The following ZNF329 variants were observed in gnomAD, a reference collection of about 807,000 sequenced individuals.
The protein encoded by ZNF329 is zinc finger protein 329.
Under a neutral mutation model 26.6 loss-of-function variants are expected in ZNF329, and 15 were observed. That is an observed-to-expected ratio of 0.56 (90% CI 0.38 to 0.87). ZNF329 has a LOEUF of 0.87. ZNF329 is among the 40% of genes least tolerant of loss of function. The probability of loss-of-function intolerance (pLI) is 0.00; values close to 1 mark genes in which losing one functional copy is unlikely to be tolerated. For synonymous variants in ZNF329, 239 were observed against 233.5 expected (o/e 1.02, Z -0.21); for missense variants, 651 against 651.9 (o/e 1.00, Z 0.02).
At chr19:58,136,566 T>C (rs911267438) in intron 3 of ZNF329, 1 of 150,416 alleles carries the variant, frequency 6.6e-6, no homozygotes, top group Non-Finnish European at 1.5e-5. Context: ...TAGTCCCAGG[T>C]AGTTGGGAAG....
chr19:58,140,024 T>C (rs1184551315), intron 3 of ZNF329, among the ~76,000 whole-genome samples: 3 of 152,234 alleles, frequency 2.0e-5, no homozygotes, highest in African/African-American at 7.2e-5. Context: ...GCTATTCCAC[T>C]GCTACGGTTT....
upstream of ZNF329, among the ~76,000 whole-genome samples, chr19:58,154,546 G>C (rs1304870085): frequency 6.6e-6 from 1 of 152,186 alleles, no homozygotes; most frequent in Non-Finnish European, 1.5e-5. Flanking sequence ...GGAGCCACAC[G>C]GTCCATGCCT....
At chr19:58,139,808 C>A (rs1415980082) in intron 3 of ZNF329, among the ~76,000 whole-genome samples, 1 of 152,124 alleles carries the variant, frequency 6.6e-6, no homozygotes, top group African/African-American at 2.4e-5. Flanking sequence ...TCGGGAAATG[C>A]TGATCAAAAC....
At chr19:58,142,316 G>A (rs2075206946) in intron 3 of ZNF329, among the ~76,000 whole-genome samples, 1 of 152,148 alleles carries the variant, frequency 6.6e-6, no homozygotes, top group South Asian at 2.1e-4. Flanking sequence ...GGATATACAA[G>A]CTAGTTAATA....
intron 1 of ZNF329, among the ~76,000 whole-genome samples, chr19:58,149,460 G>A (rs1030098251): frequency 3.3e-5 from 5 of 152,106 alleles, no homozygotes; most frequent in Non-Finnish European, 7.3e-5. Context: ...TCTCAGGCAG[G>A]GAGAAGATAA....
chr19:58,140,514 G>A (rs962207074), intron 3 of ZNF329, among the ~76,000 whole-genome samples: 4 of 149,926 alleles, frequency 2.7e-5, no homozygotes, highest in Admixed American at 2.0e-4. Flanking sequence ...CCGGGTTCAC[G>A]CCATTCTCCT....
rs201801400 is a variant in ZNF329, at chr19:58,129,360, C to T, written c.144G>A (p.Arg48=). The T allele has an allele frequency of 6.2e-7, 1 of 1,614,196 alleles. No individual in the cohort carries two copies. The highest frequency in any genetic ancestry group is 1.7e-5 in the Admixed American group (1 of 60,028). The change falls in exon 4 of 4, where the codon AGG becomes AGA. Residue 48 remains arginine, a synonymous_variant. Coordinates refer to ENST00000598312, the MANE Select transcript of ZNF329 (RefSeq NM_024620.4). The stretch of plus-strand genomic sequence containing the variant: ...GTTTCTCCAGAGTTAAAGCTGATTG[C>T]CTCAAGTGTCCCTCCTGGTTCTCAC... ...WDCENQEGHL[R]QSALTLEKPG...
intron 1 of ZNF329, among the ~76,000 whole-genome samples, chr19:58,143,797 T>G (rs1356535693): frequency 3.9e-5 from 6 of 151,968 alleles, no homozygotes; most frequent in African/African-American, 7.2e-5. Context: ...ATAATAGAAC[T>G]AGGCTGGGCG....
chr19:58,132,493 C>T, intron 3 of ZNF329: 1 of 152,056 alleles, frequency 6.6e-6, no homozygotes, highest in East Asian at 1.9e-4. Flanking sequence ...AGTTCAAGAC[C>T]AGCCTGGGCA....
chr19:58,129,524 G>A lies in ZNF329; in HGVS notation c.-8-13C>T. On this transcript the variant is annotated splice_polypyrimidine_tract_variant and intron_variant, in intron 3 of 3. Coordinates refer to ENST00000598312, the MANE Select transcript of ZNF329 (RefSeq NM_024620.4). ...CTCATATCCCAAACTGCAAAAAGAA[G>A]AAAAATGCAGACTTAGGTATATGAA... 1.9e-6 allele frequency: 3 copies of A among 1,558,530 alleles called. No homozygotes were observed. The highest frequency in any genetic ancestry group is 2.0e-5 in the Admixed American group (1 of 50,676).
intron 3 of ZNF329, among the ~76,000 whole-genome samples, chr19:58,135,680 C>T (rs928918838): frequency 5.3e-5 from 8 of 152,086 alleles, no homozygotes; most frequent in African/African-American, 1.4e-4. Flanking sequence ...TGAAAATCTA[C>T]GTACAAATTA....
At chr19:58,131,948 G>A (rs566839141) in intron 3 of ZNF329, among the ~76,000 whole-genome samples, 40 of 150,426 alleles carry the variant, frequency 2.7e-4, no homozygotes, top group African/African-American at 7.8e-4. Context: ...GCATGAACCC[G>A]GGAGGCAGAG....
intron 1 of ZNF329, among the ~76,000 whole-genome samples, chr19:58,145,640 CA>C (rs1340797020): frequency 6.6e-6 from 1 of 152,124 alleles, no homozygotes; most frequent in East Asian, 1.9e-4. Context: ...TCTCAACTCA[CA>C]AAAGGCACAA....
At chr19:58,146,707 C>T (rs1272164198) in intron 1 of ZNF329, among the ~76,000 whole-genome samples, 15 of 152,190 alleles carry the variant, frequency 9.9e-5, no homozygotes, top group East Asian at 1.9e-4. Flanking sequence ...CGCGCCGCCA[C>T]GCCTGACTGG....
chr19:58,153,191 C>G (rs2075487828), upstream of ZNF329, among the ~76,000 whole-genome samples: 1 of 152,122 alleles, frequency 6.6e-6, no homozygotes, highest in Non-Finnish European at 1.5e-5. Context: ...CTCACTGCAA[C>G]CTCCACCTTC....
In ZNF329 at chr19:58,128,815, G is replaced by T; in HGVS notation, c.689C>A (p.Pro230His). ...LHHRTHTGEK[P>H]YTCNECGKSF... The stretch of plus-strand genomic sequence containing the variant: ...CTTTCCACACTCATTACAAGTATAA[G>T]GCTTCTCTCCGGTGTGAGTTCGGTG... Residue 230 changes from proline (P) to histidine (H), a missense_variant, in exon 4 of 4, where the codon CCT becomes CAT. By Grantham distance (77) the Pro-to-His change is moderately conservative. Coordinates refer to ENST00000598312, the MANE Select transcript of ZNF329 (RefSeq NM_024620.4). The T allele has an allele frequency of 6.2e-7, 1 of 1,606,064 alleles. No homozygotes were observed. Among genetic ancestry groups the T allele is most frequent in the East Asian group, 2.2e-5 (1 of 44,846 alleles).
intron 3 of ZNF329, among the ~76,000 whole-genome samples, chr19:58,141,185 G>A (rs564033157): frequency 8.6e-5 from 13 of 151,064 alleles, no homozygotes; most frequent in African/African-American, 3.2e-4. Flanking sequence ...TGGTAGAGAT[G>A]AGGTCTCACT....
intron 1 of ZNF329, among the ~76,000 whole-genome samples, chr19:58,149,402 G>A (rs204216): frequency 0.17 from 25,451 of 151,992 alleles, 2,479 homozygotes; most frequent in East Asian, 0.29. Context: ...AGAACCCTCT[G>A]TTGGGTTATA....
chr19:58,148,533 T>C (rs537002164), intron 1 of ZNF329, among the ~76,000 whole-genome samples: 4 of 150,626 alleles, frequency 2.7e-5, no homozygotes, highest in Non-Finnish European at 5.9e-5. Flanking sequence ...GGTGTGATAA[T>C]AACACTAGTT....
Sources: allele counts gnomAD v4.1 joint callset (sites outside exome capture counted in the v4.1 genomes callset), GRCh38; gene constraint gnomAD v4.1.1; transcripts MANE v1.5; gene names NCBI Gene and HGNC (gene_info 2026-07-23, HGNC 2026-07-21).